Variants in FSTL5 observed in about 807,000 individuals in gnomAD.
FSTL5 encodes the protein follistatin like 5, also known as follistatin-related protein 5.
A neutral mutation model predicts 89.1 loss-of-function variants in FSTL5; 62 were observed. The observed-to-expected ratio is 0.70, with a 90% CI of 0.57 to 0.86. FSTL5 has a LOEUF of 0.86. Among genes scored for constraint, FSTL5 ranks in the 40% least tolerant of loss-of-function variants. The pLI, the probability that FSTL5 is intolerant of heterozygous loss-of-function variation, is 0.00. For synonymous variants in FSTL5, 383 were observed against 346.2 expected, an observed-to-expected ratio of 1.11 and a Z score of -1.18; for missense variants, 1,057 against 1,001.6, an observed-to-expected ratio of 1.06 and a Z score of -0.75.
intron 4 of FSTL5, among the ~76,000 whole-genome samples, chr4:161,832,834 C>G (rs1162002185): frequency 6.6e-6 from 1 of 150,474 alleles, no homozygotes; most frequent in Non-Finnish European, 1.5e-5. Context: ...AAAACCAGCT[C>G]CTGGATTCAT....
At chr4:162,025,375 T>C (rs1314220484) in intron 3 of FSTL5, among the ~76,000 whole-genome samples, 3 of 152,100 alleles carry the variant, frequency 2.0e-5, no homozygotes, top group Non-Finnish European at 4.4e-5. Context: ...CTCAAAAGGG[T>C]TATAGTTAAC....
At chr4:162,056,264 G>A (rs1486060912) in intron 2 of FSTL5, among the ~76,000 whole-genome samples, 5 of 151,914 alleles carry the variant, frequency 3.3e-5, no homozygotes, top group Non-Finnish European at 7.4e-5. Context: ...ATATGAATGG[G>A]ACCAAGAAAG....
intron 8 of FSTL5, among the ~76,000 whole-genome samples, chr4:161,566,587 T>C (rs943069798): frequency 2.0e-5 from 3 of 152,072 alleles, no homozygotes; most frequent in Admixed American, 6.6e-5. Context: ...TTCGTAAGTA[T>C]TCCTGTCTCT....
At chr4:161,754,496 T>C (rs1442807942) in intron 6 of FSTL5, among the ~76,000 whole-genome samples, 2 of 152,114 alleles carry the variant, frequency 1.3e-5, no homozygotes, top group African/African-American at 4.8e-5. Flanking sequence ...TTCATAATCC[T>C]CATAAAATTT....
rs1227386072 is a variant in FSTL5, at chr4:161,948,356, ATTG to A, written c.161-27707_161-27705del. Among the ~76,000 whole-genome samples, 4 of 150,842 alleles carry A rather than the reference ATTG, an allele frequency of 2.7e-5. No homozygotes were observed. In the South Asian group the frequency reaches 6.3e-4, roughly 24 times the overall value. ...CTGGCTCTGTACAGCTTTTTAAATT[ATTG>A]TTATTTTAATAATACTTATAGTGCA... On this transcript the variant is annotated intron_variant, in intron 3 of 15. Coordinates refer to ENST00000306100, the MANE Select transcript of FSTL5 (RefSeq NM_020116.5).
intron 5 of FSTL5, among the ~76,000 whole-genome samples, chr4:161,768,889 A>G (rs1191452734): frequency 6.6e-6 from 1 of 151,934 alleles, no homozygotes; most frequent in Non-Finnish European, 1.5e-5. Flanking sequence ...GATACAAAAG[A>G]TAAGCAAAAT....
chr4:161,485,291 G>C (rs528866802), intron 12 of FSTL5, among the ~76,000 whole-genome samples: 1 of 152,130 alleles, frequency 6.6e-6, no homozygotes, highest in Admixed American at 6.5e-5. Context: ...CAGTTCCCTG[G>C]ATGTGGCTTC....
chr4:161,896,673 A>G (rs1393173147), intron 4 of FSTL5, among the ~76,000 whole-genome samples: 17 of 152,188 alleles, frequency 1.1e-4, no homozygotes, highest in Admixed American at 1.1e-3. Context: ...GTGAAGAACT[A>G]TTATATTTTT....
intron 3 of FSTL5, among the ~76,000 whole-genome samples, chr4:161,945,958 A>G (rs527260222): frequency 6.6e-6 from 1 of 152,126 alleles, no homozygotes; most frequent in Non-Finnish European, 1.5e-5. Context: ...TATTATAATT[A>G]TAATTTAAAT....
At chr4:162,007,806 G>T (rs1181712820) in intron 3 of FSTL5, among the ~76,000 whole-genome samples, 1 of 151,842 alleles carries the variant, frequency 6.6e-6, no homozygotes, top group Non-Finnish European at 1.5e-5. Context: ...ACAGCTTAAA[G>T]TAACACGGGC....
rs1254024249 is a variant in FSTL5 at position 161,384,022 on chromosome 4, CTT to C, written c.*1723_*1724del. On this transcript the variant is annotated 3_prime_UTR_variant, in exon 16 of 16. Transcript: ENST00000306100. Reference sequence around the variant, plus strand: ...ACATGAAATCATTAAGTCACAGACACTTTATATGGTTCATGTTCACAAGGAAG... The same window carrying C: ...ACATGAAATCATTAAGTCACAGACACTATATGGTTCATGTTCACAAGGAAG... The C allele has an allele frequency of 2.6e-5, 4 of 152,120 alleles. No individual in the cohort carries two copies. The highest frequency in any genetic ancestry group is 9.7e-5 in the African/African-American group (4 of 41,444). The allele number at this position is 152,120 out of a possible 1,614,324, so 9.4% of individuals were successfully genotyped here.
At chr4:162,028,018 G>T (rs1489269246) in intron 3 of FSTL5, among the ~76,000 whole-genome samples, 1 of 151,808 alleles carries the variant, frequency 6.6e-6, no homozygotes, top group Non-Finnish European at 1.5e-5. Flanking sequence ...TATTTTTTAA[G>T]AATTATTATT....
At chr4:161,975,902 C>T (rs1034681027) in intron 3 of FSTL5, among the ~76,000 whole-genome samples, 6 of 150,552 alleles carry the variant, frequency 4.0e-5, no homozygotes, top group African/African-American at 1.5e-4. Context: ...GATCACGAGG[C>T]CAGGAGACCG....
chr4:161,495,936 A>T (rs1730054251), intron 12 of FSTL5, among the ~76,000 whole-genome samples: 2 of 152,138 alleles, frequency 1.3e-5, no homozygotes, highest in Non-Finnish European at 2.9e-5. Flanking sequence ...TTACACAGGA[A>T]CTTTTCACTG....
intron 15 of FSTL5, among the ~76,000 whole-genome samples, chr4:161,400,418 A>G (rs143189367): frequency 6.6e-6 from 1 of 152,258 alleles, no homozygotes; most frequent in East Asian, 1.9e-4. Flanking sequence ...ATTTCTAAGA[A>G]TCCAGATATA....
At chr4:161,727,320 T>C (rs1158357657) in intron 6 of FSTL5, among the ~76,000 whole-genome samples, 1 of 152,204 alleles carries the variant, frequency 6.6e-6, no homozygotes, top group Non-Finnish European at 1.5e-5. Flanking sequence ...GAATTGTTGT[T>C]AGTCCTTCAC....
chr4:161,424,348 T>A (rs1411451669), intron 15 of FSTL5, among the ~76,000 whole-genome samples: 5 of 151,990 alleles, frequency 3.3e-5, no homozygotes, highest in African/African-American at 7.2e-5. Context: ...AATAATCATT[T>A]ACTGTTTAGT....
chr4:161,568,308 A>G (rs1156818060), intron 8 of FSTL5, among the ~76,000 whole-genome samples: 1 of 152,138 alleles, frequency 6.6e-6, no homozygotes, highest in Non-Finnish European at 1.5e-5. Flanking sequence ...TGATGCTTTG[A>G]GAACGCTCTA....
At chr4:161,845,461 AT>A (rs1731338665) in intron 4 of FSTL5, among the ~76,000 whole-genome samples, 1 of 152,166 alleles carries the variant, frequency 6.6e-6, no homozygotes, top group South Asian at 2.1e-4. Context: ...AGACAATTGG[AT>A]TTCTTACTGC....
Sources: gnomAD v4.1 joint callset for allele counts (sites outside exome capture counted in the v4.1 genomes callset) on GRCh38, gnomAD v4.1.1 for gene constraint, MANE v1.5 for transcripts, NCBI Gene and HGNC (gene_info 2026-07-23, HGNC 2026-07-21) for gene names.